NWD2: variants seen among roughly 807,000 people sequenced by gnomAD.
NWD2 encodes NACHT and WD repeat domain containing 2, also known as NACHT and WD repeat domain-containing protein 2.
NWD2 carries 37 observed loss-of-function variants against 132.7 expected under a neutral mutation model. The ratio of observed to expected loss-of-function variants is 0.28; its 90% CI spans 0.21 to 0.37. The LOEUF (loss-of-function observed/expected upper bound fraction) is 0.37. Among genes scored for constraint, NWD2 ranks in the 10% least tolerant of loss-of-function variants. NWD2 has a pLI of 1.00. For missense variants in NWD2, 1,592 were observed against 2,122.4 expected, an observed-to-expected ratio of 0.75 and a Z score of 4.91; for synonymous variants, 705 against 803.0, an observed-to-expected ratio of 0.88 and a Z score of 2.06.
rs1335068883 is a variant in NWD2, at chr4:37,445,279, C to T, written c.3291C>T (p.Cys1097=). The change falls in exon 7 of 7, where the codon TGC becomes TGT. Residue 1097 remains cysteine, a synonymous_variant. Coordinates refer to ENST00000309447, the MANE Select transcript of NWD2 (RefSeq NM_001144990.2). The surrounding 1 kb of genome is among the most constrained non-coding windows in gnomAD (Gnocchi z 4.7). ...GATGGCCGCTTTACCAGTTCCACTG[C>T]TGGTATGAAGTGACGTGCGTCCAGT... ...LYGWPLYQFH[C]WYEVTCVQCS... 1.5e-5 allele frequency: 23 copies of T among 1,551,826 alleles called. No individual in the cohort carries two copies. Among genetic ancestry groups the T allele is most frequent in the Non-Finnish European group, 1.8e-5 (21 of 1,147,050 alleles).
At chr4:37,314,734 C>A (rs1184316843) in intron 1 of NWD2, among the ~76,000 whole-genome samples, 1 of 152,026 alleles carries the variant, frequency 6.6e-6, no homozygotes, top group African/African-American at 2.4e-5. Flanking sequence ...TTTACTTTAG[C>A]AATTTTTCTC....
At position 37,447,351 on chromosome 4, in the gene NWD2, C is replaced by T. The variant is rs1712667634; in HGVS notation, c.*134C>T. ...AATTCCAGTGTTTTATTAAGATGTT[C>T]ATGAAATGGACAAATAGGTTAGTCT... On this transcript the variant is annotated 3_prime_UTR_variant, in exon 7 of 7. Coordinates refer to ENST00000309447, the MANE Select transcript of NWD2 (RefSeq NM_001144990.2). 1.4e-6 allele frequency: 1 copy of T among 708,270 alleles called. No individual in the cohort carries two copies. The highest frequency in any genetic ancestry group is 2.3e-6 in the Non-Finnish European group (1 of 433,962). 43.9% of individuals were successfully genotyped at this position (708,270 alleles called of 1,614,324 possible). A position where few individuals can be genotyped will look rare whatever the true frequency, so the allele number is the denominator to read the frequency against.
chr4:37,307,992 ATTATGAAT>A (rs1718746103), intron 1 of NWD2, among the ~76,000 whole-genome samples: 1 of 152,018 alleles, frequency 6.6e-6, no homozygotes, highest in Non-Finnish European at 1.5e-5. Context: ...TCTCATTCAG[ATTATGAAT>A]TGTTTTTCTG....
Position 37,409,738 on chromosome 4 carries a change from G to C in NWD2, c.358-20834G>C, listed in dbSNP as rs182059521. On this transcript the variant is annotated intron_variant, in intron 3 of 6. Coordinates refer to ENST00000309447, the MANE Select transcript of NWD2 (RefSeq NM_001144990.2). ...CCAAGGTTGAAATGAAGGAAAAAAT[G>C]TTAAGGGCAGCCAGAGAGAAAGGTC... 3.0e-3 allele frequency among the ~76,000 whole-genome samples: 459 copies of C among 152,202 alleles called. 2 individuals are homozygous for C. The highest frequency in any genetic ancestry group is 0.01 in the African/African-American group (423 of 41,522).
intron 4 of NWD2, 118 bp from the exon 5 acceptor site, chr4:37,433,758 G>A (rs1490757482): frequency 5.8e-6 from 4 of 683,778 alleles, no homozygotes; most frequent in Non-Finnish European, 9.5e-6. Flanking sequence ...TGTCTGTAAA[G>A]CACCTATCAT....
chr4:37,366,151 G>A (rs1434249652), intron 3 of NWD2, among the ~76,000 whole-genome samples: 2 of 152,212 alleles, frequency 1.3e-5, no homozygotes, highest in East Asian at 3.9e-4. Context: ...TGAACATTGA[G>A]CAACATGGGA....
At chr4:37,428,736 A>T (rs1300747447) in intron 3 of NWD2, among the ~76,000 whole-genome samples, 4 of 152,146 alleles carry the variant, frequency 2.6e-5, no homozygotes, top group Admixed American at 6.5e-5. Context: ...AGGCAGTACC[A>T]CTAATTTTTT....
At chr4:37,335,641 G>A (rs189388377) in intron 2 of NWD2, among the ~76,000 whole-genome samples, 8 of 151,944 alleles carry the variant, frequency 5.3e-5, no homozygotes, top group East Asian at 1.9e-4. Context: ...TCAGATCAGC[G>A]GTGGCATTAG....
chr4:37,285,173 T>C (rs899498082), intron 1 of NWD2, among the ~76,000 whole-genome samples: 18 of 152,202 alleles, frequency 1.2e-4, no homozygotes, highest in Non-Finnish European at 4.4e-5. Flanking sequence ...ACAGTAATTA[T>C]TGGCAGAACT....
intron 1 of NWD2, among the ~76,000 whole-genome samples, chr4:37,309,469 A>C (rs1034360328): frequency 6.6e-6 from 1 of 152,094 alleles, no homozygotes; most frequent in African/African-American, 2.4e-5. Context: ...TCTGGATTGG[A>C]TAATGATAAG....
At chr4:37,278,904 C>G (rs551390806) in intron 1 of NWD2, among the ~76,000 whole-genome samples, 3 of 152,310 alleles carry the variant, frequency 2.0e-5, no homozygotes, top group Admixed American at 2.0e-4. Flanking sequence ...GCAGCATACT[C>G]AACCCCCTGT....
intron 3 of NWD2, among the ~76,000 whole-genome samples, chr4:37,404,825 T>C (rs1275463021): frequency 6.6e-6 from 1 of 152,012 alleles, no homozygotes; most frequent in Non-Finnish European, 1.5e-5. Context: ...ACAGTAGCAA[T>C]AGAGAGAGGG....
At chr4:37,299,673 G>C (rs1212527179) in intron 1 of NWD2, among the ~76,000 whole-genome samples, 1 of 152,060 alleles carries the variant, frequency 6.6e-6, no homozygotes, top group South Asian at 2.1e-4. Context: ...TGTAAGTGAA[G>C]GACTTGCTGA....
At chr4:37,311,308 T>A (rs141395627) in intron 1 of NWD2, among the ~76,000 whole-genome samples, 1 of 151,992 alleles carries the variant, frequency 6.6e-6, no homozygotes, top group Non-Finnish European at 1.5e-5. Flanking sequence ...GTTTCCTGAC[T>A]TTTTAATGAT....
intron 2 of NWD2, among the ~76,000 whole-genome samples, chr4:37,344,210 C>G (rs995283664): frequency 1.3e-5 from 2 of 152,066 alleles, no homozygotes; most frequent in Non-Finnish European, 2.9e-5. Flanking sequence ...ACTTTATGTT[C>G]CAAGTGTTTT....
intron 1 of NWD2, among the ~76,000 whole-genome samples, chr4:37,259,361 A>G (rs1717584942): frequency 6.6e-6 from 1 of 152,250 alleles, no homozygotes; most frequent in African/African-American, 2.4e-5. Context: ...AAACTGCCTT[A>G]TAAGCCAATA....
intron 2 of NWD2, among the ~76,000 whole-genome samples, chr4:37,352,655 T>A (rs867204405): frequency 6.6e-6 from 1 of 152,244 alleles, no homozygotes; most frequent in Non-Finnish European, 1.5e-5. Flanking sequence ...GTTTAAAGTC[T>A]GTTTTATCAG....
At chr4:37,392,625 G>A (rs1212314024) in intron 3 of NWD2, among the ~76,000 whole-genome samples, 1 of 152,166 alleles carries the variant, frequency 6.6e-6, no homozygotes, top group African/African-American at 2.4e-5. Flanking sequence ...TACAGTTAGC[G>A]AAACTAGGAT....
At chr4:37,266,463 T>A (rs894346255) in intron 1 of NWD2, among the ~76,000 whole-genome samples, 5 of 152,090 alleles carry the variant, frequency 3.3e-5, no homozygotes, top group African/African-American at 9.7e-5. Context: ...TTTACAACTT[T>A]TAGCCAGAAA....
Sources: allele counts gnomAD v4.1 joint callset (sites outside exome capture counted in the v4.1 genomes callset), GRCh38; gene constraint gnomAD v4.1.1; non-coding constraint Gnocchi (gnomAD v3.1); transcripts MANE v1.5; gene names NCBI Gene and HGNC (gene_info 2026-07-23, HGNC 2026-07-21).